The following CSMD1 variants were observed in gnomAD, a reference collection of about 807,000 sequenced individuals.
The protein encoded by CSMD1 is CUB and sushi domain-containing protein 1.
A neutral mutation model predicts 417.5 loss-of-function variants in CSMD1; 213 were observed. That is an observed-to-expected ratio of 0.51 (90% CI 0.46 to 0.57). The LOEUF is 0.57. Ranked by LOEUF, CSMD1 falls within the 20% of genes least tolerant of loss-of-function variation. CSMD1 has a pLI of 0.00. For missense variants in CSMD1, 6,923 were observed against 4,529.7 expected, an observed-to-expected ratio of 1.53 and a Z score of -15.17; for synonymous variants, 2,862 against 1,736.8, an observed-to-expected ratio of 1.65 and a Z score of -16.11.
At chr8:4,429,882 T>A (rs1404423013) in intron 2 of CSMD1, among the ~76,000 whole-genome samples, 1 of 152,064 alleles carries the variant, frequency 6.6e-6, no homozygotes, top group African/African-American at 2.4e-5. Flanking sequence ...GAGGGAATCC[T>A]CTCCTCCATT....
In CSMD1 at chr8:4,214,400, C is replaced by A. The variant is rs112963725; in HGVS notation, c.416-182301G>T. Among the ~76,000 whole-genome samples the A allele has an allele frequency of 4.6e-5, 7 of 152,272 alleles. 1 individual carries two copies. The highest frequency in any genetic ancestry group is 1.2e-4 in the African/African-American group (5 of 41,546). On this transcript the variant is annotated intron_variant, in intron 3 of 69. Coordinates refer to ENST00000635120, the MANE Select transcript of CSMD1 (RefSeq NM_033225.6). ...GCAACCTCTGCCTCCTGGATTCAAT[C>A]GATTCAAATGCCTCAGGCTTCTAAG...
At chr8:3,426,183 G>A (rs1054026771) in intron 12 of CSMD1, among the ~76,000 whole-genome samples, 3 of 152,180 alleles carry the variant, frequency 2.0e-5, no homozygotes, top group African/African-American at 7.2e-5. Context: ...TACAAAAGCA[G>A]AGCATGTGAG....
intron 10 of CSMD1, among the ~76,000 whole-genome samples, chr8:3,557,013 C>G (rs1799186356): frequency 6.6e-6 from 1 of 152,186 alleles, no homozygotes; most frequent in South Asian, 2.1e-4. Context: ...TCTTTGTAAT[C>G]TGCACTTTGG....
intron 46 of CSMD1, among the ~76,000 whole-genome samples, chr8:3,100,047 T>A (rs1471626319): frequency 1.2e-5 from 1 of 83,636 alleles, no homozygotes; most frequent in East Asian, 8.0e-4. Flanking sequence ...TTTTGTTTTT[T>A]AACTTGTTTG....
At chr8:3,444,486 T>A (rs1231140054) in intron 12 of CSMD1, among the ~76,000 whole-genome samples, 1 of 152,144 alleles carries the variant, frequency 6.6e-6, no homozygotes, top group Non-Finnish European at 1.5e-5. Flanking sequence ...CAGTAGAACT[T>A]TTGCTACCAT....
At chr8:3,257,804 G>T (rs533613413) in intron 26 of CSMD1, among the ~76,000 whole-genome samples, 1 of 152,158 alleles carries the variant, frequency 6.6e-6, no homozygotes, top group African/African-American at 2.4e-5. Context: ...GAGGGCGATC[G>T]GTGGGTGGGG....
intron 49 of CSMD1, among the ~76,000 whole-genome samples, chr8:3,061,641 C>T (rs1812596161): frequency 6.6e-6 from 1 of 152,056 alleles, no homozygotes. Flanking sequence ...AAGCACTGAC[C>T]CCATGACTCA....
intron 3 of CSMD1, among the ~76,000 whole-genome samples, chr8:4,233,481 G>C (rs186575940): frequency 6.6e-6 from 1 of 152,200 alleles, no homozygotes; most frequent in Non-Finnish European, 1.5e-5. Context: ...TGATTAGGAA[G>C]AAGGAGCTTT....
chr8:4,338,435 T>C (rs1462530147), intron 3 of CSMD1, among the ~76,000 whole-genome samples: 2 of 152,108 alleles, frequency 1.3e-5, no homozygotes, highest in African/African-American at 4.8e-5. Context: ...ATCAGAGCCA[T>C]GCAAACAAGA....
intron 1 of CSMD1, among the ~76,000 whole-genome samples, chr8:4,706,154 TA>T (rs1453759143): frequency 1.3e-5 from 2 of 150,836 alleles, no homozygotes; most frequent in Non-Finnish European, 3.0e-5. Context: ...AAATTTTATG[TA>T]TTTATATACT....
At chr8:3,501,683 G>C (rs1399438711) in intron 10 of CSMD1, among the ~76,000 whole-genome samples, 2 of 152,090 alleles carry the variant, frequency 1.3e-5, no homozygotes, top group Admixed American at 1.3e-4. Flanking sequence ...TTCAAACAGT[G>C]AATTTCCTCA....
chr8:3,400,136 G>C (rs1013939474), intron 15 of CSMD1, among the ~76,000 whole-genome samples: 2 of 152,164 alleles, frequency 1.3e-5, no homozygotes, highest in Non-Finnish European at 2.9e-5. Context: ...GAGAAATAAA[G>C]TTTGAAAGGG....
intron 1 of CSMD1, among the ~76,000 whole-genome samples, chr8:4,708,749 C>G (rs1251468454): frequency 1.3e-5 from 2 of 151,978 alleles, no homozygotes; most frequent in East Asian, 1.9e-4. Flanking sequence ...TATATAAAGT[C>G]CTAACCCCCA....
At chr8:4,510,102 A>G (rs188926756) in intron 2 of CSMD1, among the ~76,000 whole-genome samples, 1 of 152,056 alleles carries the variant, frequency 6.6e-6, no homozygotes, top group East Asian at 1.9e-4. Context: ...GTCTAAAGAG[A>G]TCTGATGGTT....
chr8:3,789,244 G>A lies in CSMD1; in HGVS notation c.819-35202C>T, dbSNP rs534099229. Among the ~76,000 whole-genome samples, 9 of 152,150 alleles carry A rather than the reference G, an allele frequency of 5.9e-5. No individual in the cohort carries two copies. The East Asian group carries it at 1.2e-3, about 20-fold the overall frequency. ...TGGGCCCTCACCAGACACAAAATAT[G>A]CCTTGGTTTTGGACTTCCCAGCCTC... On this transcript the variant is annotated intron_variant, in intron 5 of 69. Coordinates refer to ENST00000635120, the MANE Select transcript of CSMD1 (RefSeq NM_033225.6).
chr8:4,412,323 G>C (rs1796694968), intron 3 of CSMD1, among the ~76,000 whole-genome samples: 1 of 151,888 alleles, frequency 6.6e-6, no homozygotes, highest in Non-Finnish European at 1.5e-5. Context: ...CAGCGCAAAA[G>C]ATTCACCAAA....
chr8:3,917,441 G>T (rs1256759985), intron 5 of CSMD1, among the ~76,000 whole-genome samples: 2 of 151,014 alleles, frequency 1.3e-5, no homozygotes, highest in African/African-American at 2.4e-5. Flanking sequence ...ACACACACAC[G>T]CTCATGCGCG....
intron 3 of CSMD1, among the ~76,000 whole-genome samples, chr8:4,241,710 T>TC (rs1225365525): frequency 1.1e-4 from 1 of 9,438 alleles, no homozygotes; most frequent in Non-Finnish European, 3.0e-4. Context: ...TTTTTTTTCT[T>TC]TTTTTTTTTT....
intron 7 of CSMD1, among the ~76,000 whole-genome samples, chr8:3,667,950 T>A (rs1379549643): frequency 6.6e-6 from 1 of 152,078 alleles, no homozygotes; most frequent in East Asian, 1.9e-4. Context: ...CCCACCCATT[T>A]CCTCCCTGCG....
Sources: allele counts gnomAD v4.1 joint callset (sites outside exome capture counted in the v4.1 genomes callset), GRCh38; gene constraint gnomAD v4.1.1; transcripts MANE v1.5; gene names NCBI Gene and HGNC (gene_info 2026-07-23, HGNC 2026-07-21).